The following OR5AS1 variants were observed in gnomAD, a reference collection of about 807,000 sequenced individuals.
OR5AS1 encodes olfactory receptor 5AS1.
For synonymous variants in OR5AS1, 196 were observed against 141.7 expected, an observed-to-expected ratio of 1.38 and a Z score of -2.72; for missense variants, 492 against 378.2, an observed-to-expected ratio of 1.30 and a Z score of -2.50.
rs1046253731 is a variant in OR5AS1, at chr11:56,036,557, A to T, written c.*5164A>T. ...AAGAAATGGTTAAATTCCTGGAAAC[A>T]CACACCCTCCCAAGTCTAATCCAGG... On this transcript the variant is annotated 3_prime_UTR_variant, in exon 2 of 2. Coordinates refer to ENST00000641320, the MANE Select transcript of OR5AS1 (RefSeq NM_001001921.2). 6.6e-6 allele frequency: 1 copy of T among 152,256 alleles called. No individual in the cohort carries two copies. Among genetic ancestry groups the T allele is most frequent in the African/African-American group, 2.4e-5 (1 of 41,512 alleles). 9.4% of individuals were successfully genotyped at this position (152,256 alleles called of 1,614,324 possible).
Position 56,029,150 on chromosome 11 carries a change from T to C in OR5AS1, c.-28-1241T>C, listed in dbSNP as rs183285311. The stretch of plus-strand genomic sequence containing the variant: ...GGCTGGAGAAAGGAGGTTCTGAGGT[T>C]ATCAGGCATGATAGAGACAATAGAT... On this transcript the variant is annotated intron_variant, in intron 1 of 1. Coordinates refer to ENST00000641320, the MANE Select transcript of OR5AS1 (RefSeq NM_001001921.2). 1.4e-4 allele frequency among the ~76,000 whole-genome samples: 21 copies of C among 152,196 alleles called. No homozygotes were observed. The East Asian group carries it at 3.9e-3, about 28-fold the overall frequency.
In OR5AS1 at chr11:56,032,901, T is replaced by C. The variant is rs1038682563; in HGVS notation, c.*1508T>C. ...AAGATCAACAGAGAAGGTGGGTGATTTCTGCATTTCCAACTGAGGTACCTG... is the reference window on the plus strand; with the variant it reads ...AAGATCAACAGAGAAGGTGGGTGATCTCTGCATTTCCAACTGAGGTACCTG... On this transcript the variant is annotated 3_prime_UTR_variant, in exon 2 of 2. Coordinates refer to ENST00000641320, the MANE Select transcript of OR5AS1 (RefSeq NM_001001921.2). 3 of 152,104 alleles carry C rather than the reference T, an allele frequency of 2.0e-5. No homozygotes were observed. The highest frequency in any genetic ancestry group is 7.3e-5 in the African/African-American group (3 of 41,326). 9.4% of individuals were successfully genotyped at this position (152,104 alleles called of 1,614,324 possible).
Position 56,032,497 on chromosome 11 carries a change from A to T in OR5AS1, c.*1104A>T, listed in dbSNP as rs1853361233. ...CTTATTTTGACAAAGTTAAAGTGAT[A>T]CACCATGTACATGTGAAATAAAAAA... On this transcript the variant is annotated 3_prime_UTR_variant, in exon 2 of 2. Transcript: ENST00000641320. 6.6e-6 allele frequency: 1 copy of T among 152,150 alleles called. No individual in the cohort carries two copies. The highest frequency in any genetic ancestry group is 2.4e-5 in the African/African-American group (1 of 41,390). 9.4% of individuals were successfully genotyped at this position (152,150 alleles called of 1,614,324 possible).
intron 1 of OR5AS1, among the ~76,000 whole-genome samples, chr11:56,028,828 G>A (rs763668171): frequency 2.1e-4 from 32 of 152,042 alleles, no homozygotes; most frequent in Non-Finnish European, 4.4e-4. Context: ...TTGTTTGGAT[G>A]AGCCTGTGTA....
At position 56,031,190 on chromosome 11, in the gene OR5AS1, A is replaced by C. The variant is rs771532690; in HGVS notation, c.772A>C (p.Met258Leu). 7 of 1,613,948 alleles carry C rather than the reference A, an allele frequency of 4.3e-6. No individual in the cohort carries two copies. The highest frequency in any genetic ancestry group is 5.9e-6 in the Non-Finnish European group (7 of 1,179,926). The change falls in exon 2 of 2, where the codon ATG becomes CTG. Residue 258 changes from methionine to leucine, a missense_variant. Transcript: ENST00000641320. ...CTTATTCTATGGAGCGCTCCTGTTT[A>C]TGTACTTACAGCCCACCACTAGCTA... ...VTLFYGALLFMYLQPTTSYSL... is the reference protein window; with the variant it reads ...VTLFYGALLFLYLQPTTSYSL...
chr11:56,031,253 A>G lies in OR5AS1; in HGVS notation c.835A>G (p.Thr279Ala). The G allele has an allele frequency of 1.9e-6, 3 of 1,613,766 alleles. No individual in the cohort carries two copies. The East Asian group carries it at 6.7e-5, about 36-fold the overall frequency. Residue 279 changes from threonine (T) to alanine (A), a missense_variant, in exon 2 of 2, where the codon ACT (threonine) becomes GCT (alanine). Thr to Ala is a moderately conservative substitution (Grantham distance 58). Coordinates refer to ENST00000641320, the MANE Select transcript of OR5AS1 (RefSeq NM_001001921.2). ...TGATAAGGTGGTGGCAGTGTTTTATACTGTTGTATTTCCCATGTTTAATCC... is the reference window on the plus strand; with the variant it reads ...TGATAAGGTGGTGGCAGTGTTTTATGCTGTTGTATTTCCCATGTTTAATCC... ...DTDKVVAVFY[T>A]VVFPMFNPII...
rs1853351162 is a variant in OR5AS1, at chr11:56,031,466, C to T, written c.*73C>T. On this transcript the variant is annotated 3_prime_UTR_variant, in exon 2 of 2. Coordinates refer to ENST00000641320, the MANE Select transcript of OR5AS1 (RefSeq NM_001001921.2). ...TGTGTTAACTATTTTAAATTTATCACATTTTCAGAAATAAAGATAACTTGT... is the reference window on the plus strand; with the variant it reads ...TGTGTTAACTATTTTAAATTTATCATATTTTCAGAAATAAAGATAACTTGT... The T allele has an allele frequency of 3.6e-6, 4 of 1,116,668 alleles. No homozygotes were observed. The highest frequency in any genetic ancestry group is 3.1e-5 in the African/African-American group (2 of 64,120). 69.2% of individuals were successfully genotyped at this position (1,116,668 alleles called of 1,614,324 possible).
chr11:56,032,520 A>G lies in OR5AS1; in HGVS notation c.*1127A>G, dbSNP rs1239599640. On this transcript the variant is annotated 3_prime_UTR_variant, in exon 2 of 2. Coordinates refer to ENST00000641320, the MANE Select transcript of OR5AS1 (RefSeq NM_001001921.2). ...ATACACCATGTACATGTGAAATAAA[A>G]AAGTGTGCATTTTGTAATAATTATG... 6.6e-6 allele frequency: 1 copy of G among 152,140 alleles called. No homozygotes were observed. The highest frequency in any genetic ancestry group is 1.5e-5 in the Non-Finnish European group (1 of 68,028). The allele number at this position is 152,140 out of a possible 1,614,324, so 9.4% of individuals were successfully genotyped here. A position where few individuals can be genotyped will look rare whatever the true frequency, so the allele number is the denominator to read the frequency against.
In OR5AS1 at chr11:56,031,136, A is replaced by T. The variant is rs754044107; in HGVS notation, c.718A>T (p.Thr240Ser). ...AGGTGGCAGAAGCAAAACATTCTCC[A>T]CTTGTGCTTCCCACCTCATAGCAGT... ...SSGGRSKTFS[T>S]CASHLIAVTL... Residue 240 changes from threonine (T) to serine (S), a missense_variant, in exon 2 of 2, where the codon ACT (threonine) becomes TCT (serine). By Grantham distance (58) the Thr-to-Ser change is moderately conservative (BLOSUM62 1). Coordinates refer to ENST00000641320, the MANE Select transcript of OR5AS1 (RefSeq NM_001001921.2). The T allele has an allele frequency of 3.7e-6, 6 of 1,613,924 alleles. No individual in the cohort carries two copies. Among genetic ancestry groups the T allele is most frequent in the Non-Finnish European group, 5.1e-6 (6 of 1,179,980 alleles).
At chr11:56,030,023 G>A (rs1221096679) in intron 1 of OR5AS1, among the ~76,000 whole-genome samples, 4 of 151,872 alleles carry the variant, frequency 2.6e-5, no homozygotes, top group Admixed American at 2.6e-4. Flanking sequence ...TGTGATTTTA[G>A]GGTTGCAAAA....
rs1853372001 is a variant in OR5AS1, at chr11:56,033,443, G to A, written c.*2050G>A. Reference sequence around the variant, plus strand: ...GGGATGCTCGAGCTTGGTTGGAGGAGGAGAGTCCGCCATTGCTGAGGCTTC... The same window carrying A: ...GGGATGCTCGAGCTTGGTTGGAGGAAGAGAGTCCGCCATTGCTGAGGCTTC... On this transcript the variant is annotated 3_prime_UTR_variant, in exon 2 of 2. Coordinates refer to ENST00000641320, the MANE Select transcript of OR5AS1 (RefSeq NM_001001921.2). The A allele has an allele frequency of 6.6e-6, 1 of 152,338 alleles. No individual in the cohort carries two copies. The highest frequency in any genetic ancestry group is 2.1e-4 in the South Asian group (1 of 4,844). The allele number at this position is 152,338 out of a possible 1,614,324, so 9.4% of individuals were successfully genotyped here.
chr11:56,037,150 A>G lies in OR5AS1; in HGVS notation c.*5757A>G, dbSNP rs1185181839. On this transcript the variant is annotated 3_prime_UTR_variant, in exon 2 of 2. Coordinates refer to ENST00000641320, the MANE Select transcript of OR5AS1 (RefSeq NM_001001921.2). ...GAGCTATTATGACAAACCCACAGCC[A>G]ATATCATACTGAATGGGCAAAAACT... 6.6e-6 allele frequency: 1 copy of G among 152,142 alleles called. No individual in the cohort carries two copies. The highest frequency in any genetic ancestry group is 1.5e-5 in the Non-Finnish European group (1 of 68,050). The allele number at this position is 152,142 out of a possible 1,614,324, so 9.4% of individuals were successfully genotyped here.
chr11:56,036,858 CA>C lies in OR5AS1; in HGVS notation c.*5470del, dbSNP rs970601362. On this transcript the variant is annotated 3_prime_UTR_variant, in exon 2 of 2. Coordinates refer to ENST00000641320, the MANE Select transcript of OR5AS1 (RefSeq NM_001001921.2). ...GCCAATATCCCTGATGAACATGATG[CA>C]AAAATCCTCAAAAAATACTGGCAAA... The C allele has an allele frequency of 1.3e-5, 2 of 151,984 alleles. No individual in the cohort carries two copies. The highest frequency in any genetic ancestry group is 2.9e-5 in the Non-Finnish European group (2 of 68,006). 9.4% of individuals were successfully genotyped at this position (151,984 alleles called of 1,614,324 possible). A position where few individuals can be genotyped will look rare whatever the true frequency, so the allele number is the denominator to read the frequency against.
intron 1 of OR5AS1, among the ~76,000 whole-genome samples, chr11:56,028,317 A>T (rs2134688683): frequency 6.6e-6 from 1 of 152,176 alleles, no homozygotes; most frequent in East Asian, 1.9e-4. Context: ...ATAACAAATA[A>T]TTTAGGCATA....
rs1271886652 is a variant in OR5AS1, at chr11:56,037,142, C to G, written c.*5749C>G. The G allele has an allele frequency of 6.6e-6, 1 of 151,962 alleles. No homozygotes were observed. Among genetic ancestry groups the G allele is most frequent in the African/African-American group, 2.4e-5 (1 of 41,308 alleles). The allele number at this position is 151,962 out of a possible 1,614,324, so 9.4% of individuals were successfully genotyped here. A position where few individuals can be genotyped will look rare whatever the true frequency, so the allele number is the denominator to read the frequency against. ...AATAATAAGAGCTATTATGACAAAC[C>G]CACAGCCAATATCATACTGAATGGG... On this transcript the variant is annotated 3_prime_UTR_variant, in exon 2 of 2. Coordinates refer to ENST00000641320, the MANE Select transcript of OR5AS1 (RefSeq NM_001001921.2).
rs1314923319 is a variant in OR5AS1 at position 56,037,752 on chromosome 11, G to A, written c.*6359G>A. The stretch of plus-strand genomic sequence containing the variant: ...ATCATTGAATTTCTTCACAGAATTA[G>A]AAAAAAAAAAAAACTACTTTAAATT... On this transcript the variant is annotated 3_prime_UTR_variant, in exon 2 of 2. Coordinates refer to ENST00000641320, the MANE Select transcript of OR5AS1 (RefSeq NM_001001921.2). 2.7e-5 allele frequency: 4 copies of A among 147,208 alleles called. No homozygotes were observed. The highest frequency in any genetic ancestry group is 1.5e-5 in the Non-Finnish European group (1 of 66,676). The allele number at this position is 147,208 out of a possible 1,614,324, so 9.1% of individuals were successfully genotyped here.
Position 56,036,500 on chromosome 11 carries a change from A to C in OR5AS1, c.*5107A>C, listed in dbSNP as rs2134701462. The C allele has an allele frequency of 6.6e-6, 1 of 152,236 alleles. No homozygotes were observed. Among genetic ancestry groups the C allele is most frequent in the East Asian group, 1.9e-4 (1 of 5,184 alleles). The allele number at this position is 152,236 out of a possible 1,614,324, so 9.4% of individuals were successfully genotyped here. ...AAACTACCATCAGAGAATACTATAA[A>C]CACCTCCACACAAATAAACTAGAAA... On this transcript the variant is annotated 3_prime_UTR_variant, in exon 2 of 2. Transcript: ENST00000641320.
At position 56,030,834 on chromosome 11, in the gene OR5AS1, G is replaced by A; in HGVS notation, c.416G>A (p.Arg139Lys). The A allele has an allele frequency of 1.9e-6, 3 of 1,613,584 alleles. No homozygotes were observed. Among genetic ancestry groups the A allele is most frequent in the Non-Finnish European group, 2.5e-6 (3 of 1,179,526 alleles). Residue 139 changes from arginine to lysine, a missense_variant, in exon 2 of 2, where the codon AGA becomes AAA. Arg to Lys is a conservative substitution (Grantham distance 26). Transcript: ENST00000641320. ...CTCTATACTACACTGATGTCTAGGA[G>A]AGTCTGTGTCTGCTTCATTGTGTTG... ...PLLYTTLMSR[R>K]VCVCFIVLAY...
Position 56,030,538 on chromosome 11 carries a change from C to G in OR5AS1, c.120C>G (p.Val40=). 1.3e-6 allele frequency: 2 copies of G among 1,553,630 alleles called. No individual in the cohort carries two copies. Among genetic ancestry groups the G allele is most frequent in the East Asian group, 2.2e-5 (1 of 44,462 alleles). ...TTCTGGTATATACATTAACTATGGT[C>G]GGAAATATACTCTTAATAATTCTAG... The part of the protein sequence containing the change: ...VFLLVYTLTM[V]GNILLIILVN... The change falls in exon 2 of 2, where the codon GTC becomes GTG. Residue 40 remains valine, a synonymous_variant. Transcript: ENST00000641320.
Sources: gnomAD v4.1 joint callset for allele counts (sites outside exome capture counted in the v4.1 genomes callset) on GRCh38, gnomAD v4.1.1 for gene constraint, MANE v1.5 for transcripts, NCBI Gene and HGNC (gene_info 2026-07-23, HGNC 2026-07-21) for gene names.